TLL1: variants seen among roughly 807,000 people sequenced by gnomAD.
The protein encoded by TLL1 is tolloid-like protein 1.
TLL1 carries 49 observed loss-of-function variants against 128.2 expected under a neutral mutation model. The ratio of observed to expected loss-of-function variants is 0.38; its 90% CI spans 0.30 to 0.48. The LOEUF (loss-of-function observed/expected upper bound fraction) is 0.48, where lower values mean the gene tolerates loss of function less well. Ranked by LOEUF, TLL1 falls within the 20% of genes least tolerant of loss-of-function variation. The probability of loss-of-function intolerance (pLI) is 0.96; values close to 1 mark genes in which losing one functional copy is unlikely to be tolerated. For missense variants in TLL1, 1,123 were observed against 1,242.0 expected, an observed-to-expected ratio of 0.90 and a Z score of 1.44; for synonymous variants, 454 against 418.8, an observed-to-expected ratio of 1.08 and a Z score of -1.03.
chr4:166,015,467 A>C (rs368744037), intron 8 of TLL1, among the ~76,000 whole-genome samples: 4 of 152,058 alleles, frequency 2.6e-5, no homozygotes, highest in African/African-American at 9.7e-5. Flanking sequence ...GGAGTTTTAC[A>C]TAGATAATTG....
intron 3 of TLL1, among the ~76,000 whole-genome samples, chr4:165,993,755 C>A (rs1207539814): frequency 1.3e-5 from 2 of 152,076 alleles, no homozygotes; most frequent in South Asian, 4.1e-4. Context: ...AAAGCTGCTC[C>A]AGAATAGAAT....
chr4:165,899,053 T>C (rs966960754), intron 1 of TLL1, among the ~76,000 whole-genome samples: 1 of 152,230 alleles, frequency 6.6e-6, no homozygotes, highest in Admixed American at 6.5e-5. Context: ...TAGTTTGTAT[T>C]TCTGTGGGAT....
chr4:165,923,353 G>T (rs573090788), intron 1 of TLL1, among the ~76,000 whole-genome samples: 5 of 144,730 alleles, frequency 3.5e-5, no homozygotes, highest in Non-Finnish European at 4.5e-5. Context: ...AATATTCAAA[G>T]CTTTAAATAA....
rs188512994 is a variant in TLL1 at position 166,004,742 on chromosome 4, T to G, written c.811+1173T>G. ...ATTTTTATGTGACCATTATGGTTGATGGTAAGTTACAAGTGGGAGATTAGT... is the reference window on the plus strand; with the variant it reads ...ATTTTTATGTGACCATTATGGTTGAGGGTAAGTTACAAGTGGGAGATTAGT... On this transcript the variant is annotated intron_variant, in intron 6 of 20. Transcript: ENST00000061240. Among the ~76,000 whole-genome samples, 242 of 152,266 alleles carry G rather than the reference T, an allele frequency of 1.6e-3. 1 individual carries two copies. The highest frequency in any genetic ancestry group is 2.8e-3 in the Non-Finnish European group (192 of 68,010).
chr4:166,021,851 A>G (rs949081099), intron 8 of TLL1, among the ~76,000 whole-genome samples: 4 of 151,748 alleles, frequency 2.6e-5, no homozygotes, highest in African/African-American at 9.7e-5. Flanking sequence ...TTTATATCCT[A>G]TCTGTTCTCC....
intron 12 of TLL1, among the ~76,000 whole-genome samples, chr4:166,048,510 G>C (rs1043443254): frequency 1.3e-5 from 2 of 152,176 alleles, no homozygotes; most frequent in Non-Finnish European, 2.9e-5. Context: ...CCAGTATACT[G>C]AAGTGAGTTT....
intron 1 of TLL1, among the ~76,000 whole-genome samples, chr4:165,890,195 A>G (rs1167876956): frequency 6.6e-6 from 1 of 152,118 alleles, no homozygotes; most frequent in Non-Finnish European, 1.5e-5. Context: ...AACTCTCACC[A>G]TGTCCCTCTC....
chr4:165,878,920 C>CTTTTTTTT lies in TLL1; in HGVS notation c.169+4869_169+4876dup, dbSNP rs140447889. ...TCCCTCTTACCCTGATGATGGCTTC[C>CTTTTTTTT]TTTTTTTTTTTTTTTTTTTTTTTTT... On this transcript the variant is annotated intron_variant, in intron 1 of 20. Coordinates refer to ENST00000061240, the MANE Select transcript of TLL1 (RefSeq NM_012464.5). 3.3e-5 allele frequency among the ~76,000 whole-genome samples: 2 copies of CTTTTTTTT among 60,510 alleles called. 1 individual carries two copies. Among genetic ancestry groups the CTTTTTTTT allele is most frequent in the Non-Finnish European group, 5.6e-5 (2 of 35,588 alleles). 39.7% of individuals were successfully genotyped at this position (60,510 alleles called of 152,430 possible).
chr4:166,070,241 A>T (rs568291604), intron 16 of TLL1, among the ~76,000 whole-genome samples: 15 of 152,054 alleles, frequency 9.9e-5, no homozygotes, highest in African/African-American at 2.9e-4. Context: ...CTTAATTTTA[A>T]GTGAGGAAGC....
chr4:165,879,048 G>A (rs10034990), intron 1 of TLL1, among the ~76,000 whole-genome samples: 4,708 of 146,690 alleles, frequency 0.032, 201 homozygotes, highest in East Asian at 0.15. Flanking sequence ...TCCTACCTCA[G>A]CCTCTGTAGC....
chr4:166,091,460 C>T (rs958056648), intron 19 of TLL1, 119 bp downstream of exon 19: 2 of 819,328 alleles, frequency 2.4e-6, no homozygotes, highest in South Asian at 1.7e-5. Context: ...TAAAATTTCA[C>T]TGAAGCACTT....
chr4:166,072,969 G>T (rs1740857967), intron 16 of TLL1, among the ~76,000 whole-genome samples: 1 of 152,002 alleles, frequency 6.6e-6, no homozygotes, highest in African/African-American at 2.4e-5. Flanking sequence ...TCAAAAGCCT[G>T]GTTGACCCAG....
chr4:165,970,215 T>C (rs72972266), intron 1 of TLL1, among the ~76,000 whole-genome samples: 10,658 of 152,232 alleles, frequency 0.07, 1,204 homozygotes, highest in African/African-American at 0.24. Context: ...TTATTTACTT[T>C]TGTGATTAGA....
chr4:165,897,621 T>C (rs1731740875), intron 1 of TLL1, among the ~76,000 whole-genome samples: 1 of 150,286 alleles, frequency 6.7e-6, no homozygotes, highest in Non-Finnish European at 1.5e-5. Flanking sequence ...CTGTTTAGGT[T>C]ACTGTAGCCT....
At chr4:165,979,979 A>G (rs1736077071) in intron 1 of TLL1, among the ~76,000 whole-genome samples, 1 of 152,124 alleles carries the variant, frequency 6.6e-6, no homozygotes, top group Non-Finnish European at 1.5e-5. Flanking sequence ...ACAATCAGAA[A>G]GGTTTTGGTT....
chr4:165,996,180 T>C (rs77164912), intron 5 of TLL1, among the ~76,000 whole-genome samples: 3,675 of 152,234 alleles, frequency 0.024, 148 homozygotes, highest in African/African-American at 0.083. Context: ...ATAGCTGTAA[T>C]CATAATATTA....
rs75450838 is a variant in TLL1 at position 165,987,811 on chromosome 4, G to T, written c.170-1570G>T. Among the ~76,000 whole-genome samples the T allele has an allele frequency of 3.1e-3, 476 of 152,114 alleles. 11 individuals are homozygous for T. In the East Asian group the frequency reaches 0.043, roughly 14 times the overall value. On this transcript the variant is annotated intron_variant, in intron 1 of 20. Coordinates refer to ENST00000061240, the MANE Select transcript of TLL1 (RefSeq NM_012464.5). Reference sequence around the variant, plus strand: ...ACATTGCACAGCTTTTAGGACTGAAGTTTAAACTTCATAAATAACTAATTC... The same window carrying T: ...ACATTGCACAGCTTTTAGGACTGAATTTTAAACTTCATAAATAACTAATTC...
At chr4:165,920,629 C>A (rs1231712284) in intron 1 of TLL1, among the ~76,000 whole-genome samples, 1 of 152,160 alleles carries the variant, frequency 6.6e-6, no homozygotes, top group Non-Finnish European at 1.5e-5. Context: ...TCATTAAAAA[C>A]CGAGATAGGT....
chr4:165,896,441 T>G (rs1731682287), intron 1 of TLL1, among the ~76,000 whole-genome samples: 1 of 151,896 alleles, frequency 6.6e-6, no homozygotes, highest in South Asian at 2.1e-4. Flanking sequence ...CCTTTGGGTA[T>G]ATACCCAGTA....
Sources: allele counts gnomAD v4.1 joint callset (sites outside exome capture counted in the v4.1 genomes callset), GRCh38; gene constraint gnomAD v4.1.1; transcripts MANE v1.5; gene names NCBI Gene and HGNC (gene_info 2026-07-23, HGNC 2026-07-21).